The following CNOT11 variants were observed in gnomAD, a reference collection of about 807,000 sequenced individuals.
CNOT11 encodes the protein UPF0760 protein C2orf29.
CNOT11 carries 18 observed loss-of-function variants against 44.6 expected under a neutral mutation model. The observed-to-expected ratio is 0.40, with a 90% confidence interval of 0.28 to 0.60. The LOEUF (loss-of-function observed/expected upper bound fraction) is 0.60. Among genes scored for constraint, CNOT11 ranks in the 20% least tolerant of loss-of-function variants. The pLI, the probability that CNOT11 is intolerant of heterozygous loss-of-function variation, is 0.38. For synonymous variants in CNOT11, 291 were observed against 270.9 expected (o/e 1.07, Z -0.73); for missense variants, 513 against 677.0 (o/e 0.76, Z 2.69).
chr2:101,256,056 T>C (rs1015232327), intron 1 of CNOT11, among the ~76,000 whole-genome samples: 18 of 151,828 alleles, frequency 1.2e-4, no homozygotes, highest in Non-Finnish European at 2.7e-4. Context: ...GGAGAATTGC[T>C]TGAACCTGGG....
At chr2:101,264,359 T>C (rs1207263067) in intron 3 of CNOT11, among the ~76,000 whole-genome samples, 2 of 152,232 alleles carry the variant, frequency 1.3e-5, no homozygotes, top group Non-Finnish European at 2.9e-5. Context: ...AACCATACTT[T>C]TCCTCCTGCT....
At chr2:101,261,844 C>CTTTTTTTT (rs3044629) in intron 2 of CNOT11, among the ~76,000 whole-genome samples, 222 of 111,798 alleles carry the variant, frequency 2.0e-3, no homozygotes, top group Non-Finnish European at 2.2e-3. Flanking sequence ...TTCTTTCTTT[C>CTTTTTTTT]TTTTTTTTTT....
Position 101,269,466 on chromosome 2 carries a change from GT to G in CNOT11, c.*58del. 6.6e-7 allele frequency: 1 copy of G among 1,509,960 alleles called. No homozygotes were observed. Among genetic ancestry groups the G allele is most frequent in the African/African-American group, 1.4e-5 (1 of 72,812 alleles). The allele number at this position is 1,509,960 out of a possible 1,614,324, so 93.5% of individuals were successfully genotyped here. A position where few individuals can be genotyped will look rare whatever the true frequency, so the allele number is the denominator to read the frequency against. The stretch of plus-strand genomic sequence containing the variant: ...CACTGTTCAGCTGTACTGTGATTTA[GT>G]TTTTACACCGTTAAAACCCTGAGTG... On this transcript the variant is annotated 3_prime_UTR_variant, in exon 7 of 7. Coordinates refer to ENST00000289382, the MANE Select transcript of CNOT11 (RefSeq NM_017546.5). This position sits in a 1 kb window ranked among gnomAD's most constrained non-coding sequence, Gnocchi z 4.8.
At chr2:101,264,796 A>C in intron 3 of CNOT11, 49 bp from the exon 4 acceptor site, 3 of 1,420,192 alleles carry the variant, frequency 2.1e-6, no homozygotes, top group Non-Finnish European at 3.0e-6. Context: ...TGAGATGTGT[A>C]GAGATGTTAG....
intron 3 of CNOT11, among the ~76,000 whole-genome samples, chr2:101,263,762 C>T (rs562455645): frequency 5.3e-5 from 8 of 152,294 alleles, no homozygotes; most frequent in African/African-American, 1.9e-4. Context: ...ATGTCCATGG[C>T]ATGTAATGGC....
rs767449012 is a variant in CNOT11 at position 101,253,059 on chromosome 2, G to A, written c.95G>A (p.Ser32Asn). The A allele has an allele frequency of 2.2e-3, 3,386 of 1,517,298 alleles. 5 individuals are homozygous for A. Among genetic ancestry groups the A allele is most frequent in the Non-Finnish European group, 2.9e-3 (3,245 of 1,138,302 alleles). 94.0% of individuals were successfully genotyped at this position (1,517,298 alleles called of 1,614,324 possible). A position where few individuals can be genotyped will look rare whatever the true frequency, so the allele number is the denominator to read the frequency against. Residue 32 changes from serine (S) to asparagine (N), a missense_variant, in exon 1 of 7, where the codon AGC becomes AAC. Physicochemically the swap from Ser to Asn is conservative, Grantham distance 46 (BLOSUM62 1). This residue lies in a region of CNOT11 where 259 missense variants were observed against 265.7 expected (regional missense o/e 0.97). Transcript: ENST00000289382. This position sits in a 1 kb window ranked among gnomAD's most constrained non-coding sequence, Gnocchi z 4.3. ...GAAGCGGCAGGGTCGGCGTCCAGGA[G>A]CGGCTTCGGGGGCTCCGGCGGCGGC... Reference protein sequence around the residue: ...SREAAGSASRSGFGGSGGGRG... With the variant: ...SREAAGSASRNGFGGSGGGRG...
intron 4 of CNOT11, 55 bp from the exon 5 acceptor site, chr2:101,266,622 A>G (rs1681990661): frequency 7.3e-7 from 1 of 1,370,620 alleles, no homozygotes; most frequent in Non-Finnish European, 1.0e-6. Flanking sequence ...AAAAAAATTG[A>G]CTCAACACCC....
In CNOT11 at chr2:101,269,506, A is replaced by G. The variant is rs1682062578; in HGVS notation, c.*93A>G. ...AAACCCTGAGTGGATTGCTTGGTTT[A>G]ATGCATATAAACAGTACTTTATCTA... On this transcript the variant is annotated 3_prime_UTR_variant, in exon 7 of 7. Transcript: ENST00000289382. The surrounding 1 kb of genome is among the most constrained non-coding windows in gnomAD (Gnocchi z 4.8). 3 of 1,092,810 alleles carry G rather than the reference A, an allele frequency of 2.7e-6. No individual in the cohort carries two copies. In the African/African-American group the frequency reaches 4.7e-5, roughly 17 times the overall value. 67.7% of individuals were successfully genotyped at this position (1,092,810 alleles called of 1,614,324 possible). A position where few individuals can be genotyped will look rare whatever the true frequency, so the allele number is the denominator to read the frequency against.
At chr2:101,265,070 TTCTTA>T (rs1446554914) in intron 4 of CNOT11, 23 bp downstream of exon 4, 1 of 1,428,872 alleles carries the variant, frequency 7.0e-7, no homozygotes, top group Non-Finnish European at 9.4e-7. Flanking sequence ...TGTAAGCATT[TTCTTA>T]TCTTTTTTTT....
rs1681676844 is a variant in CNOT11, at chr2:101,253,608, C to T, written c.514+130C>T. 4.3e-6 allele frequency: 4 copies of T among 930,118 alleles called. No individual in the cohort carries two copies. Among genetic ancestry groups the T allele is most frequent in the East Asian group, 3.0e-5 (1 of 32,992 alleles). The allele number at this position is 930,118 out of a possible 1,614,324, so 57.6% of individuals were successfully genotyped here. On this transcript the variant is annotated intron_variant, in intron 1 of 6. Coordinates refer to ENST00000289382, the MANE Select transcript of CNOT11 (RefSeq NM_017546.5). The surrounding 1 kb of genome is among the most constrained non-coding windows in gnomAD (Gnocchi z 4.3). The stretch of plus-strand genomic sequence containing the variant: ...AAATGATCATCCTCTTTTTCCGCCT[C>T]TCTCTGCGTTCCCACGCCCCTCACT...
Position 101,269,033 on chromosome 2 carries a change from G to GA in CNOT11, c.1239-4dup, listed in dbSNP as rs749007189. 7.6e-6 allele frequency: 12 copies of GA among 1,570,924 alleles called. No homozygotes were observed. Among genetic ancestry groups the GA allele is most frequent in the Non-Finnish European group, 1.0e-5 (12 of 1,156,822 alleles). On this transcript the variant is annotated splice_region_variant and splice_polypyrimidine_tract_variant and intron_variant, in intron 5 of 6. Coordinates refer to ENST00000289382, the MANE Select transcript of CNOT11 (RefSeq NM_017546.5). This position sits in a 1 kb window ranked among gnomAD's most constrained non-coding sequence, Gnocchi z 4.8. ...ATTAATGGGCCAAATTTTCTTTTAC[G>GA]AAACAGACTAACTACAGCTGTTGAT...
In CNOT11 at chr2:101,269,397, C is replaced by T. The variant is rs756259209; in HGVS notation, c.1517C>T (p.Thr506Ile). The change falls in exon 7 of 7, where the codon ACC becomes ATC. Residue 506 changes from threonine (T) to isoleucine (I), a missense_variant. Around this residue, in one of 4 missense-constraint regions of CNOT11, gnomAD observed 87 missense variants for 185.4 expected, o/e 0.47. Transcript: ENST00000289382. This position sits in a 1 kb window ranked among gnomAD's most constrained non-coding sequence, Gnocchi z 4.8. ...GATACTGGGGAAACACCTTCTGAGACCAAAATGTCAAAATAATACCTCATC... is the reference window on the plus strand; with the variant it reads ...GATACTGGGGAAACACCTTCTGAGATCAAAATGTCAAAATAATACCTCATC... ...TLDTGETPSE[T>I]KMSK 1 of 1,613,980 alleles carries T rather than the reference C, an allele frequency of 6.2e-7. No homozygotes were observed. The highest frequency in any genetic ancestry group is 8.5e-7 in the Non-Finnish European group (1 of 1,179,930).
chr2:101,257,719 C>T, intron 1 of CNOT11, 72 bp from the exon 2 acceptor site: 2 of 1,309,570 alleles, frequency 1.5e-6, no homozygotes, highest in Non-Finnish European at 2.1e-6. Context: ...GTAGCAAGTA[C>T]TGATTTTACC....
At chr2:101,259,652 G>T (rs1302291780) in intron 2 of CNOT11, among the ~76,000 whole-genome samples, 1 of 152,168 alleles carries the variant, frequency 6.6e-6, no homozygotes, top group Non-Finnish European at 1.5e-5. Context: ...TCATAAACCT[G>T]TGACATTTGG....
chr2:101,261,836 CTTTCTTTCTT>C (rs1412783938), intron 2 of CNOT11, among the ~76,000 whole-genome samples: 6 of 124,428 alleles, frequency 4.8e-5, no homozygotes, highest in Non-Finnish European at 7.0e-5. Flanking sequence ...CTGTTGGTTT[CTTTCTTTCTT>C]TTTTTTTTTT....
chr2:101,262,816 C>A, intron 3 of CNOT11, 125 bp downstream of exon 3: 2 of 747,550 alleles, frequency 2.7e-6, no homozygotes, highest in Non-Finnish European at 4.4e-6. Flanking sequence ...TAGTGTGAAT[C>A]TTTCTAGTGT....
At chr2:101,257,273 A>G (rs1236483328) in intron 1 of CNOT11, among the ~76,000 whole-genome samples, 1 of 151,400 alleles carries the variant, frequency 6.6e-6, no homozygotes, top group African/African-American at 2.4e-5. Flanking sequence ...GGTGCCTGTA[A>G]TCCCAGCTAC....
At chr2:101,265,634 G>A (rs72986710) in intron 4 of CNOT11, among the ~76,000 whole-genome samples, 1,740 of 152,212 alleles carry the variant, frequency 0.011, 40 homozygotes, top group African/African-American at 0.039. Context: ...GGTAGTGGGG[G>A]TGTCACTGCT....
At chr2:101,254,392 A>T (rs1681692957) in intron 1 of CNOT11, among the ~76,000 whole-genome samples, 1 of 152,072 alleles carries the variant, frequency 6.6e-6, no homozygotes, top group Non-Finnish European at 1.5e-5. Flanking sequence ...ATGGTACAGG[A>T]GGGCCGCGTT....
Sources: gnomAD v4.1 joint callset for allele counts (sites outside exome capture counted in the v4.1 genomes callset) on GRCh38, gnomAD v4.1.1 for gene constraint, gnomAD v4.1.1 regional missense constraint, Gnocchi (gnomAD v3.1) non-coding constraint, MANE v1.5 for transcripts, NCBI Gene and HGNC (gene_info 2026-07-23, HGNC 2026-07-21) for gene names.